SPAG16: variants seen among roughly 807,000 people sequenced by gnomAD.
SPAG16 encodes the protein sperm associated antigen 16.
Under a neutral mutation model 80.4 loss-of-function variants are expected in SPAG16, and 86 were observed. That is an observed-to-expected ratio of 1.07 (90% CI 0.90 to 1.28). SPAG16 has a LOEUF of 1.28. Among genes scored for constraint, SPAG16 ranks in the 50% most tolerant of loss-of-function variants. The pLI, the probability that SPAG16 is intolerant of heterozygous loss-of-function variation, is 0.00. For synonymous variants in SPAG16, 294 were observed against 265.9 expected (o/e 1.11, Z -1.03); for missense variants, 870 against 765.3 (o/e 1.14, Z -1.61).
At chr2:214,014,842 A>G (rs1366279345) in intron 13 of SPAG16, among the ~76,000 whole-genome samples, 1 of 152,178 alleles carries the variant, frequency 6.6e-6, no homozygotes, top group Non-Finnish European at 1.5e-5. Context: ...AAGAGTGACA[A>G]GGTTCATAAA....
At chr2:214,006,347 G>C (rs774614286) in intron 12 of SPAG16, among the ~76,000 whole-genome samples, 10 of 152,280 alleles carry the variant, frequency 6.6e-5, no homozygotes, top group Non-Finnish European at 1.0e-4. Flanking sequence ...TGTCCTTTTA[G>C]AGTTAACATA....
intron 9 of SPAG16, among the ~76,000 whole-genome samples, chr2:213,479,586 A>T (rs767768212): frequency 6.6e-6 from 1 of 151,766 alleles, no homozygotes. Flanking sequence ...GCTCCTTTTG[A>T]AAAAAAAGCA....
At chr2:214,314,543 A>G (rs1302042044) in intron 15 of SPAG16, among the ~76,000 whole-genome samples, 1 of 152,192 alleles carries the variant, frequency 6.6e-6, no homozygotes, top group Admixed American at 6.5e-5. Context: ...CTTATCACTC[A>G]CTAGAGAAAC....
intron 13 of SPAG16, among the ~76,000 whole-genome samples, chr2:214,073,425 C>T (rs921565781): frequency 6.6e-5 from 10 of 151,742 alleles, no homozygotes; most frequent in East Asian, 1.9e-4. Context: ...TTAGTAGAGA[C>T]GGGGTTTCAC....
rs183371404 is a variant in SPAG16 at position 213,933,395 on chromosome 2, C to G, written c.1400+3250C>G. Among the ~76,000 whole-genome samples the G allele has an allele frequency of 1.2e-3, 176 of 152,280 alleles. 2 individuals are homozygous for G. Among genetic ancestry groups the G allele is most frequent in the Middle Eastern group, 3.4e-3 (1 of 294 alleles). ...TAAAGCAATAAGGGAATATGCAATG[C>G]ATCTACCATTTATATTTATAATATC... On this transcript the variant is annotated intron_variant, in intron 12 of 15. Transcript: ENST00000331683.
intron 14 of SPAG16, among the ~76,000 whole-genome samples, chr2:214,116,681 C>A (rs1316724930): frequency 6.6e-6 from 1 of 152,186 alleles, no homozygotes; most frequent in African/African-American, 2.4e-5. Flanking sequence ...TCCTGCTCAG[C>A]TTTCATCAAC....
chr2:213,933,500 G>A (rs1198370855), intron 12 of SPAG16, among the ~76,000 whole-genome samples: 2 of 152,186 alleles, frequency 1.3e-5, no homozygotes, highest in East Asian at 1.9e-4. Flanking sequence ...ATATCACACT[G>A]TTACTCTGAT....
At chr2:214,154,949 C>T (rs2056147597) in intron 15 of SPAG16, among the ~76,000 whole-genome samples, 1 of 151,996 alleles carries the variant, frequency 6.6e-6, no homozygotes, top group African/African-American at 2.4e-5. Context: ...ACTGTAATAC[C>T]TGAGAGAGAG....
chr2:213,526,561 G>A (rs940489714), intron 10 of SPAG16, among the ~76,000 whole-genome samples: 1 of 152,108 alleles, frequency 6.6e-6, no homozygotes, highest in Non-Finnish European at 1.5e-5. Flanking sequence ...TCAACTTGGA[G>A]CCTCCTTTTG....
intron 10 of SPAG16, among the ~76,000 whole-genome samples, chr2:213,834,042 G>A (rs1201551384): frequency 6.6e-6 from 1 of 152,052 alleles, no homozygotes; most frequent in Non-Finnish European, 1.5e-5. Context: ...TATTCTTGTG[G>A]TAGTGAATAA....
chr2:213,873,929 A>C (rs2076044780), intron 11 of SPAG16, among the ~76,000 whole-genome samples: 1 of 152,188 alleles, frequency 6.6e-6, no homozygotes. Context: ...TAGACTATAC[A>C]GACTATAGCA....
At chr2:214,204,849 A>G (rs1679522454) in intron 15 of SPAG16, among the ~76,000 whole-genome samples, 1 of 152,250 alleles carries the variant, frequency 6.6e-6, no homozygotes, top group Non-Finnish European at 1.5e-5. Context: ...CTGAATTACC[A>G]GAAAAAGATT....
intron 13 of SPAG16, among the ~76,000 whole-genome samples, chr2:214,067,309 A>G (rs1021322027): frequency 1.3e-4 from 20 of 152,160 alleles, no homozygotes; most frequent in Admixed American, 8.5e-4. Context: ...CCTTTTCAAT[A>G]TTTTACTCTT....
intron 15 of SPAG16, among the ~76,000 whole-genome samples, chr2:214,199,014 A>G (rs1354213761): frequency 6.6e-6 from 1 of 151,994 alleles, no homozygotes; most frequent in Non-Finnish European, 1.5e-5. Context: ...CCTTTGTCAG[A>G]TGTGTAGTTT....
chr2:213,526,840 G>C (rs1414715427), intron 10 of SPAG16, among the ~76,000 whole-genome samples: 1 of 152,104 alleles, frequency 6.6e-6, no homozygotes, highest in Non-Finnish European at 1.5e-5. Flanking sequence ...TCCTAAACTT[G>C]AGAATGTGTG....
intron 15 of SPAG16, among the ~76,000 whole-genome samples, chr2:214,155,596 CT>C (rs912991726): frequency 6.6e-6 from 1 of 152,000 alleles, no homozygotes; most frequent in African/African-American, 2.4e-5. Flanking sequence ...CCTCAGCCTC[CT>C]GAGAAGCTAG....
At chr2:214,154,765 G>T (rs1020526411) in intron 15 of SPAG16, among the ~76,000 whole-genome samples, 1 of 152,058 alleles carries the variant, frequency 6.6e-6, no homozygotes, top group South Asian at 2.1e-4. Flanking sequence ...CTGAGCCTCA[G>T]ATTTTTTTTG....
At position 213,590,360 on chromosome 2, in the gene SPAG16, C is replaced by T. The variant is rs141617093; in HGVS notation, c.1070+100270C>T. ...TTTTTCAACCCTTTCCCTCCATTCACCCTCCCCATTTTTGGAATCCCCAAT... is the reference window on the plus strand; with the variant it reads ...TTTTTCAACCCTTTCCCTCCATTCATCCTCCCCATTTTTGGAATCCCCAAT... On this transcript the variant is annotated intron_variant, in intron 10 of 15. Transcript: ENST00000331683. 3.3e-5 allele frequency among the ~76,000 whole-genome samples: 5 copies of T among 151,926 alleles called. No individual in the cohort carries two copies. The East Asian group carries it at 9.7e-4, about 29-fold the overall frequency.
intron 15 of SPAG16, among the ~76,000 whole-genome samples, chr2:214,310,010 T>C (rs1695174267): frequency 1.3e-5 from 2 of 152,210 alleles, no homozygotes; most frequent in African/African-American, 4.8e-5. Context: ...ATATTTCTAA[T>C]TTTTTATCTG....
Sources: allele counts gnomAD v4.1 joint callset (sites outside exome capture counted in the v4.1 genomes callset), GRCh38; gene constraint gnomAD v4.1.1; transcripts MANE v1.5; gene names NCBI Gene and HGNC (gene_info 2026-07-23, HGNC 2026-07-21).